The following NLRC4 variants were observed in gnomAD, a reference collection of about 807,000 sequenced individuals.
NLRC4 encodes the protein NLR family CARD domain-containing protein 4.
Under a neutral mutation model 79.9 loss-of-function variants are expected in NLRC4, and 63 were observed. The observed-to-expected ratio is 0.79, with a 90% CI of 0.64 to 0.97. The LOEUF (loss-of-function observed/expected upper bound fraction) is 0.97, where lower values mean the gene tolerates loss of function less well. Among genes scored for constraint, NLRC4 ranks in the 50% least tolerant of loss-of-function variants. The pLI is 0.00. For missense variants in NLRC4, 1,074 were observed against 1,215.2 expected (o/e 0.88, Z 1.73); for synonymous variants, 461 against 456.5 (o/e 1.01, Z -0.12).
chr2:32,254,089 G>C (rs1055719117), intron 2 of NLRC4, among the ~76,000 whole-genome samples: 2 of 151,834 alleles, frequency 1.3e-5, no homozygotes, highest in African/African-American at 4.9e-5. Flanking sequence ...TCCTACCATG[G>C]CCTATTTCAA....
chr2:32,258,493 G>A (rs758562532), intron 1 of NLRC4, among the ~76,000 whole-genome samples: 2 of 152,122 alleles, frequency 1.3e-5, no homozygotes, highest in African/African-American at 2.4e-5. Context: ...TGCCAGGGAC[G>A]CGCCCTTCTC....
intron 8 of NLRC4, among the ~76,000 whole-genome samples, chr2:32,231,101 T>G (rs1166964948): frequency 1.3e-5 from 2 of 152,200 alleles, no homozygotes; most frequent in Admixed American, 6.5e-5. Context: ...TTCAGATTCT[T>G]GCCCATTTTA....
In NLRC4 at chr2:32,251,601, C is replaced by A. The variant is rs202067711; in HGVS notation, c.263G>T (p.Ser88Ile). 6.3e-7 allele frequency: 1 copy of A among 1,580,760 alleles called. No individual in the cohort carries two copies. The highest frequency in any genetic ancestry group is 1.8e-5 in the Admixed American group (1 of 55,508). ...TCCTTCTGATGTCTGATGAAAAAGA[C>A]CTATTAGAGAAGAGGTGATGTTAAA... The part of the protein sequence containing the change: ...YPLFQDLNGQ[S>I]LFHQTSEGDL... The change falls in exon 4 of 9, where the codon AGT becomes ATT. Residue 88 changes from serine (S) to isoleucine (I), a missense_variant and splice_region_variant. Transcript: ENST00000402280.
At position 32,256,816 on chromosome 2, in the gene NLRC4, G is replaced by A; in HGVS notation, c.-41C>T. ...CTTCCCACCTTTCTATAACACAATA[G>A]AAAATATTATTTCCAAATGGAAAGG... On this transcript the variant is annotated 5_prime_UTR_variant, in exon 2 of 9. Coordinates refer to ENST00000402280, the MANE Select transcript of NLRC4 (RefSeq NM_001199138.2). 1 of 780,124 alleles carries A rather than the reference G, an allele frequency of 1.3e-6. No individual in the cohort carries two copies. The highest frequency in any genetic ancestry group is 2.4e-6 in the Non-Finnish European group (1 of 417,816). The allele number at this position is 780,124 out of a possible 1,614,324, so 48.3% of individuals were successfully genotyped here.
At chr2:32,236,572 A>G (rs1326604858) in intron 6 of NLRC4, among the ~76,000 whole-genome samples, 1 of 152,204 alleles carries the variant, frequency 6.6e-6, no homozygotes, top group Non-Finnish European at 1.5e-5. Flanking sequence ...CTGATTAATG[A>G]ATTCCAGGTC....
At chr2:32,255,280 G>T (rs573206052) in intron 2 of NLRC4, among the ~76,000 whole-genome samples, 2 of 152,206 alleles carry the variant, frequency 1.3e-5, no homozygotes, top group South Asian at 2.1e-4. Context: ...CAGCACTTTG[G>T]AAGGCTGAGG....
intron 8 of NLRC4, among the ~76,000 whole-genome samples, chr2:32,228,407 A>G (rs1250617686): frequency 2.6e-5 from 4 of 152,018 alleles, no homozygotes; most frequent in Admixed American, 2.6e-4. Context: ...TCAAAAATTC[A>G]CCGCCTCCCT....
rs1294804351 is a variant in NLRC4, at chr2:32,251,116, A to G, written c.748T>C (p.Tyr250His). 6.2e-7 allele frequency: 1 copy of G among 1,614,132 alleles called. No homozygotes were observed. The highest frequency in any genetic ancestry group is 1.7e-5 in the Admixed American group (1 of 60,014). ...CAGTTCTGGGGCTTGAATTCATTGT[A>G]GCCATCAAGAAGGAAAAGAACCCTC... ...RQRVLFLLDGYNEFKPQNCPE... is the reference protein window; with the variant it reads ...RQRVLFLLDGHNEFKPQNCPE... Residue 250 changes from tyrosine to histidine, a missense_variant, in exon 4 of 9, where the codon TAC (tyrosine) becomes CAC (histidine). Tyr to His is a moderately conservative substitution (Grantham distance 83, BLOSUM62 2). Transcript: ENST00000402280.
At chr2:32,249,560 ATT>A in intron 4 of NLRC4, 45 bp downstream of exon 4, 1 of 1,381,276 alleles carries the variant, frequency 7.2e-7, no homozygotes, top group Non-Finnish European at 9.8e-7. Context: ...ATACACTGTT[ATT>A]TTTTTTTAAG....
Position 32,235,383 on chromosome 2 carries a change from CTGTA to C in NLRC4, c.2782+14_2782+17del. The C allele has an allele frequency of 6.2e-7, 1 of 1,601,498 alleles. No homozygotes were observed. The highest frequency in any genetic ancestry group is 8.6e-7 in the Non-Finnish European group (1 of 1,168,660). On this transcript the variant is annotated intron_variant, in intron 8 of 8. Coordinates refer to ENST00000402280, the MANE Select transcript of NLRC4 (RefSeq NM_001199138.2). ...AGGGCCAAATCCAGTTATCTTGGCT[CTGTA>C]TGTGTGTACCTACCTAAAATTCTAA...
At chr2:32,236,167 C>A (rs373238089) in intron 7 of NLRC4, 80 bp downstream of exon 7, 2 of 846,528 alleles carry the variant, frequency 2.4e-6, no homozygotes, top group East Asian at 2.5e-5. Context: ...GTATAAAAGA[C>A]CTCAGGACCC....
chr2:32,250,511 T>C lies in NLRC4; in HGVS notation c.1353A>G (p.Ala451=). ...TCAATAAACTGCTGAGTCTTCGTCCTGCTGTGTACTCCTGGAATGACTTGT... is the reference window on the plus strand; with the variant it reads ...TCAATAAACTGCTGAGTCTTCGTCCCGCTGTGTACTCCTGGAATGACTTGT... ...FFHKSFQEYT[A]GRRLSSLLTS... is the part of the protein sequence containing the mutation. The change falls in exon 4 of 9, where the codon GCA becomes GCG. Residue 451 remains alanine (A), a synonymous_variant. Coordinates refer to ENST00000402280, the MANE Select transcript of NLRC4 (RefSeq NM_001199138.2). This position sits in a 1 kb window ranked among gnomAD's most constrained non-coding sequence, Gnocchi z 4.9. 6.2e-7 allele frequency: 1 copy of C among 1,614,256 alleles called. No homozygotes were observed. The highest frequency in any genetic ancestry group is 8.5e-7 in the Non-Finnish European group (1 of 1,180,044).
intron 7 of NLRC4, 142 bp downstream of exon 7, chr2:32,236,101 TAAGA>T: frequency 1.9e-6 from 1 of 539,722 alleles, no homozygotes; most frequent in Non-Finnish European, 3.3e-6. Context: ...AAGGGCAGTT[TAAGA>T]AAGGCCTAAA....
intron 4 of NLRC4, among the ~76,000 whole-genome samples, chr2:32,242,937 A>G (rs1423132060): frequency 6.6e-6 from 1 of 152,046 alleles, no homozygotes. Flanking sequence ...AGTCCTGGCT[A>G]CTCAGGAGGC....
At position 32,264,882 on chromosome 2, in the gene NLRC4, C is replaced by G. The variant is rs1171968182; in HGVS notation, c.-263G>C. Reference sequence around the variant, plus strand: ...TCTTGTTCTGTGAGAGGACAGTGTACAGAGAGGGGAACTGCTGAGCAGTTC... The same window carrying G: ...TCTTGTTCTGTGAGAGGACAGTGTAGAGAGAGGGGAACTGCTGAGCAGTTC... On this transcript the variant is annotated 5_prime_UTR_variant, in exon 1 of 9. Coordinates refer to ENST00000402280, the MANE Select transcript of NLRC4 (RefSeq NM_001199138.2). 3 of 151,408 alleles carry G rather than the reference C, an allele frequency of 2.0e-5. No homozygotes were observed. In the South Asian group the frequency reaches 6.2e-4, roughly 31 times the overall value. 9.4% of individuals were successfully genotyped at this position (151,408 alleles called of 1,614,324 possible).
intron 1 of NLRC4, among the ~76,000 whole-genome samples, chr2:32,258,455 G>T (rs765299481): frequency 1.3e-5 from 2 of 152,186 alleles, no homozygotes; most frequent in Non-Finnish European, 2.9e-5. Context: ...ACCTAGGTCC[G>T]TGGGCACAGG....
intron 2 of NLRC4, among the ~76,000 whole-genome samples, chr2:32,256,524 G>A (rs1687210958): frequency 6.6e-6 from 1 of 152,186 alleles, no homozygotes; most frequent in Non-Finnish European, 1.5e-5. Flanking sequence ...TGGCTGAACA[G>A]GTGATGAGAA....
At position 32,235,515 on chromosome 2, in the gene NLRC4, A is replaced by G. The variant is rs544969923; in HGVS notation, c.2668T>C (p.Cys890Arg). ...QLTALMLPWG[C>R]DVQGSLSSLL... is the part of the protein sequence containing the mutation. ...CTGCTCAGGCTGCCTTGCACGTCAC[A>G]GCCCCAGGGCAGCATCAGTGCGGTG... Residue 890 changes from cysteine (C) to arginine (R), a missense_variant, in exon 8 of 9, where the codon TGT becomes CGT. Coordinates refer to ENST00000402280, the MANE Select transcript of NLRC4 (RefSeq NM_001199138.2). The G allele has an allele frequency of 9.6e-4, 1,544 of 1,614,226 alleles. 29 individuals carry two copies. The South Asian group carries it at 0.016, about 17-fold the overall frequency.
chr2:32,243,904 G>T (rs1033926860), intron 4 of NLRC4, among the ~76,000 whole-genome samples: 4 of 151,894 alleles, frequency 2.6e-5, no homozygotes, highest in Non-Finnish European at 5.9e-5. Flanking sequence ...TATATTGGCA[G>T]TCTAAAAGTA....
Sources: gnomAD v4.1 joint callset for allele counts (sites outside exome capture counted in the v4.1 genomes callset) on GRCh38, gnomAD v4.1.1 for gene constraint, Gnocchi (gnomAD v3.1) non-coding constraint, MANE v1.5 for transcripts, NCBI Gene and HGNC (gene_info 2026-07-23, HGNC 2026-07-21) for gene names.